The following SYN2 variants were observed in gnomAD, a reference collection of about 807,000 sequenced individuals.
SYN2 encodes the protein synapsin-2.
In SYN2, 19 loss-of-function variants were observed where a neutral mutation model predicts 50.9. The observed-to-expected ratio is 0.37, with a 90% CI of 0.26 to 0.55. SYN2 has a LOEUF of 0.55. SYN2 is among the 20% of genes least tolerant of loss of function. SYN2 has a pLI of 0.81. For synonymous variants in SYN2, 255 were observed against 224.9 expected (o/e 1.13, Z -1.20); for missense variants, 587 against 576.4 (o/e 1.02, Z -0.19).
At chr3:12,070,003 T>C (rs2125167624) in intron 1 of SYN2, among the ~76,000 whole-genome samples, 1 of 152,170 alleles carries the variant, frequency 6.6e-6, no homozygotes, top group Non-Finnish European at 1.5e-5. Flanking sequence ...CTTGCAGTGT[T>C]GCCCAGGTTG....
At chr3:12,189,333 C>G (rs78342715) in intron 12 of SYN2, among the ~76,000 whole-genome samples, 6,519 of 152,310 alleles carry the variant, frequency 0.043, 196 homozygotes, top group Middle Eastern at 0.11. Context: ...CCACTAGTCT[C>G]TCAAGGGGAG....
chr3:12,168,504 G>A (rs1262103983), intron 9 of SYN2, 26 bp downstream of exon 9: 1 of 1,592,790 alleles, frequency 6.3e-7, no homozygotes, highest in African/African-American at 1.3e-5. Context: ...GCAGTAAGAG[G>A]TAACTCCTAA....
Position 12,004,483 on chromosome 3 carries a change from T to C in SYN2, c.-69T>C. 1 of 408,738 alleles carries C rather than the reference T, an allele frequency of 2.4e-6. No individual in the cohort carries two copies. The highest frequency in any genetic ancestry group is 4.7e-6 in the Non-Finnish European group (1 of 210,922). The allele number at this position is 408,738 out of a possible 1,614,324, so 25.3% of individuals were successfully genotyped here. On this transcript the variant is annotated 5_prime_UTR_variant, in exon 1 of 13. Coordinates refer to ENST00000621198, the MANE Select transcript of SYN2 (RefSeq NM_133625.6). ...CCGCCTCAGTCGCCTCAATCTCGCC[T>C]TCCGCCCTCGCTCTCCCTCCGCGCC... is the stretch of plus-strand genomic sequence containing the variant.
intron 9 of SYN2, among the ~76,000 whole-genome samples, chr3:12,168,874 CTG>C (rs1463419698): frequency 6.6e-6 from 1 of 152,136 alleles, no homozygotes; most frequent in Non-Finnish European, 1.5e-5. Flanking sequence ...TAGTGTCTCT[CTG>C]AGCCTTGGAG....
At chr3:12,088,019 T>A (rs1188729094) in intron 1 of SYN2, among the ~76,000 whole-genome samples, 2 of 152,098 alleles carry the variant, frequency 1.3e-5, no homozygotes, top group Non-Finnish European at 2.9e-5. Context: ...AATGACTTCT[T>A]GGACAGGACC....
At chr3:12,161,976 C>A in intron 6 of SYN2, 36 bp from the exon 7 acceptor site, 2 of 1,611,788 alleles carry the variant, frequency 1.2e-6, no homozygotes, top group South Asian at 2.2e-5. Context: ...ATGTGTGTGT[C>A]TCCCTTTCCC....
intron 7 of SYN2, 102 bp downstream of exon 7, chr3:12,162,256 C>G (rs1443219812): frequency 2.8e-6 from 4 of 1,454,478 alleles, no homozygotes; most frequent in Non-Finnish European, 3.7e-6. Context: ...CCACTTAAGT[C>G]AGAGATTTTT....
At chr3:12,145,062 A>G (rs1254001497) in intron 3 of SYN2, among the ~76,000 whole-genome samples, 4 of 151,894 alleles carry the variant, frequency 2.6e-5, no homozygotes, top group Non-Finnish European at 4.4e-5. Context: ...CCAAACAAAC[A>G]AAAAAGGAGA....
At chr3:12,132,698 G>A (rs1696820699) in intron 1 of SYN2, among the ~76,000 whole-genome samples, 2 of 152,176 alleles carry the variant, frequency 1.3e-5, no homozygotes, top group African/African-American at 2.4e-5. Context: ...GACCTAATAT[G>A]CTGTATCATA....
At chr3:12,077,863 A>G (rs1695505667) in intron 1 of SYN2, among the ~76,000 whole-genome samples, 1 of 152,136 alleles carries the variant, frequency 6.6e-6, no homozygotes, top group Non-Finnish European at 1.5e-5. Context: ...GTCAAATGGT[A>G]TTTCTGGTTC....
chr3:12,073,517 TTTC>T (rs1695407741), intron 1 of SYN2, among the ~76,000 whole-genome samples: 1 of 152,182 alleles, frequency 6.6e-6, no homozygotes, highest in Admixed American at 6.5e-5. Context: ...GTTGCTGCAA[TTTC>T]TTCTTCCATT....
intron 1 of SYN2, among the ~76,000 whole-genome samples, chr3:12,088,241 T>A (rs1032763854): frequency 1.5e-4 from 23 of 152,146 alleles, no homozygotes; most frequent in African/African-American, 2.9e-4. Flanking sequence ...TTTTTTTAAA[T>A]GGGCAAAGGA....
chr3:12,166,187 A>T (rs2125240471), intron 7 of SYN2, among the ~76,000 whole-genome samples: 1 of 152,252 alleles, frequency 6.6e-6, no homozygotes, highest in East Asian at 1.9e-4. Flanking sequence ...CTGAAATCAG[A>T]TCTCTGGGGA....
chr3:12,110,319 G>A (rs1224165097), intron 1 of SYN2, among the ~76,000 whole-genome samples: 1 of 152,220 alleles, frequency 6.6e-6, no homozygotes, highest in Non-Finnish European at 1.5e-5. Context: ...CTCTGTACCT[G>A]TGACTTTGCA....
Position 12,145,718 on chromosome 3 carries a change from A to G in SYN2, c.567A>G (p.Ala189=), listed in dbSNP as rs766435420. Residue 189 remains alanine (A), a synonymous_variant, in exon 4 of 13, where the codon GCA becomes GCG. Transcript: ENST00000621198. ...RPDFVLIRQH[A]FGMAENEDFR... The stretch of plus-strand genomic sequence containing the variant: ...ACTTCGTGCTCATCCGGCAGCATGC[A>G]TTTGGCATGGCGGAGAATGAGGACT... 4.3e-6 allele frequency: 7 copies of G among 1,613,844 alleles called. No individual in the cohort carries two copies. Among genetic ancestry groups the G allele is most frequent in the South Asian group, 1.1e-5 (1 of 91,074 alleles).
At chr3:12,136,083 G>A (rs1305135503) in intron 1 of SYN2, among the ~76,000 whole-genome samples, 6 of 152,166 alleles carry the variant, frequency 3.9e-5, no homozygotes, top group Admixed American at 3.9e-4. Context: ...TTGAAAGGTG[G>A]TATCAGATGA....
chr3:12,051,699 G>C (rs1287200268), intron 1 of SYN2, among the ~76,000 whole-genome samples: 1 of 152,154 alleles, frequency 6.6e-6, no homozygotes, highest in East Asian at 1.9e-4. Flanking sequence ...CAGCCCACTT[G>C]GAAATAGCTT....
intron 5 of SYN2, chr3:12,156,924 C>T: frequency 6.2e-7 from 1 of 1,613,424 alleles, no homozygotes; most frequent in South Asian, 1.1e-5. Context: ...TTTCTCAAAC[C>T]CTTTGAACAT....
chr3:12,104,060 C>T (rs1156827109), intron 1 of SYN2, among the ~76,000 whole-genome samples: 6 of 152,116 alleles, frequency 3.9e-5, no homozygotes, highest in Non-Finnish European at 5.9e-5. Context: ...AACAATAATA[C>T]TTAAATAAAG....
Sources: allele counts gnomAD v4.1 joint callset (sites outside exome capture counted in the v4.1 genomes callset), GRCh38; gene constraint gnomAD v4.1.1; transcripts MANE v1.5; gene names NCBI Gene and HGNC (gene_info 2026-07-23, HGNC 2026-07-21).